Variants in SLC16A9 observed in about 807,000 individuals in gnomAD.
SLC16A9 encodes the protein solute carrier family 16 member 9.
Under a neutral mutation model 44.3 loss-of-function variants are expected in SLC16A9, and 26 were observed. The ratio of observed to expected loss-of-function variants is 0.59; its 90% CI spans 0.43 to 0.81. SLC16A9 has a LOEUF of 0.81. SLC16A9 is among the 40% of genes least tolerant of loss of function. The pLI, the probability that SLC16A9 is intolerant of heterozygous loss-of-function variation, is 0.00. For synonymous variants in SLC16A9, 230 were observed against 225.1 expected (o/e 1.02, Z -0.19); for missense variants, 559 against 595.8 (o/e 0.94, Z 0.64).
intron 1 of SLC16A9, among the ~76,000 whole-genome samples, chr10:59,696,837 C>G (rs1193842425): frequency 6.6e-6 from 1 of 151,562 alleles, no homozygotes; most frequent in South Asian, 2.1e-4. Flanking sequence ...GCAGCCACAC[C>G]GTCTGAGAAG....
At chr10:59,694,833 C>CACACAT (rs778737142) in intron 1 of SLC16A9, among the ~76,000 whole-genome samples, 2,549 of 98,458 alleles carry the variant, frequency 0.026, 90 homozygotes, top group Middle Eastern at 0.043. Flanking sequence ...CACACACACA[C>CACACAT]ATATATATAC....
In SLC16A9 at chr10:59,651,868, T is replaced by C. The variant is rs990188293; in HGVS notation, c.*904A>G. 6.6e-6 allele frequency: 1 copy of C among 152,158 alleles called. No individual in the cohort carries two copies. Among genetic ancestry groups the C allele is most frequent in the Non-Finnish European group, 1.5e-5 (1 of 68,030 alleles). The allele number at this position is 152,158 out of a possible 1,614,324, so 9.4% of individuals were successfully genotyped here. The stretch of plus-strand genomic sequence containing the variant: ...GCAAATAAATGCTTCACTGGGAGGA[T>C]ATGCAAGAACTTGCAGCCCATCCCC... On this transcript the variant is annotated 3_prime_UTR_variant, in exon 6 of 6. Coordinates refer to ENST00000395348, the MANE Select transcript of SLC16A9 (RefSeq NM_194298.3).
intron 3 of SLC16A9, 45 bp downstream of exon 3, chr10:59,672,725 G>A (rs1233166576): frequency 6.4e-7 from 1 of 1,559,480 alleles, no homozygotes; most frequent in Middle Eastern, 1.7e-4. Context: ...GAAATGATGT[G>A]TATCTCTTGA....
intron 1 of SLC16A9, among the ~76,000 whole-genome samples, chr10:59,694,385 T>C (rs1160221735): frequency 1.3e-5 from 2 of 152,172 alleles, no homozygotes; most frequent in African/African-American, 4.8e-5. Context: ...AAAAAGAGGA[T>C]ATGAAAATCA....
chr10:59,701,517 A>C (rs1588999274), intron 1 of SLC16A9, among the ~76,000 whole-genome samples: 1 of 152,354 alleles, frequency 6.6e-6, no homozygotes, highest in African/African-American at 2.4e-5. Flanking sequence ...AATGACAATC[A>C]TTCTTTCCCT....
chr10:59,704,043 A>C (rs1840587020), intron 1 of SLC16A9, among the ~76,000 whole-genome samples: 1 of 152,186 alleles, frequency 6.6e-6, no homozygotes, highest in Non-Finnish European at 1.5e-5. Flanking sequence ...TTTTAACACT[A>C]GAATAGATTT....
rs1285945632 is a variant in SLC16A9 at position 59,678,047 on chromosome 10, C to T, written c.197-5134G>A. ...GCTATCCCTCCCCCCTCCCCCCACC[C>T]CACAACAGTCCCCAGAGTGTGATGT... On this transcript the variant is annotated intron_variant, in intron 2 of 5. Coordinates refer to ENST00000395348, the MANE Select transcript of SLC16A9 (RefSeq NM_194298.3). Among the ~76,000 whole-genome samples the T allele has an allele frequency of 4.7e-5, 6 of 127,778 alleles. No individual in the cohort carries two copies. The East Asian group carries it at 1.7e-3, about 35-fold the overall frequency. 83.8% of individuals were successfully genotyped at this position (127,778 alleles called of 152,430 possible).
chr10:59,677,728 A>G (rs1019254853), intron 2 of SLC16A9, among the ~76,000 whole-genome samples: 15 of 152,176 alleles, frequency 9.9e-5, no homozygotes, highest in Non-Finnish European at 1.9e-4. Context: ...AAAGGGATGA[A>G]CATCTATTCT....
rs201592301 is a variant in SLC16A9, at chr10:59,672,902, T to C, written c.208A>G (p.Ser70Gly). ...GVGLLASPVC[S>G]LCVSSFGARP... ...GCTCCAAAAGATGAGACACAGAGAC[T>C]GCAGACAGGACCTAAAAAAAGAAAT... Residue 70 changes from serine to glycine, a missense_variant, in exon 3 of 6, where the codon AGT becomes GGT. By Grantham distance (56) the Ser-to-Gly change is moderately conservative (BLOSUM62 0). Transcript: ENST00000395348. 22 of 1,608,706 alleles carry C rather than the reference T, an allele frequency of 1.4e-5. No homozygotes were observed. The highest frequency in any genetic ancestry group is 8.9e-5 in the East Asian group (4 of 44,782).
intron 1 of SLC16A9, among the ~76,000 whole-genome samples, chr10:59,707,585 CAAAAA>C (rs35376586): frequency 4.7e-5 from 6 of 127,514 alleles, no homozygotes; most frequent in Non-Finnish European, 8.4e-5. Flanking sequence ...CTCACCACAC[CAAAAA>C]AAAAAAAAAA....
chr10:59,681,783 G>GATGTATATGTATATGTAT (rs6143937), intron 2 of SLC16A9, among the ~76,000 whole-genome samples: 395 of 5,088 alleles, frequency 0.078, 160 homozygotes, highest in African/African-American at 0.095. Context: ...ATATGTATAT[G>GATGTATATGTATATGTAT]ATGTATATGT....
At position 59,692,308 on chromosome 10, in the gene SLC16A9, G is replaced by T. The variant is rs1588990279; in HGVS notation, c.-36-7981C>A. 2.6e-5 allele frequency among the ~76,000 whole-genome samples: 4 copies of T among 152,198 alleles called. 1 individual carries two copies. In the South Asian group the frequency reaches 8.3e-4, roughly 32 times the overall value. ...ACAGTTACATTTATGACACTTTAAG[G>T]CTATAAACCATGGGCGAGGAGGTGG... is the stretch of plus-strand genomic sequence containing the variant. On this transcript the variant is annotated intron_variant, in intron 1 of 5. Coordinates refer to ENST00000395348, the MANE Select transcript of SLC16A9 (RefSeq NM_194298.3).
At chr10:59,674,538 G>T (rs1187086880) in intron 2 of SLC16A9, among the ~76,000 whole-genome samples, 4 of 152,176 alleles carry the variant, frequency 2.6e-5, no homozygotes, top group Admixed American at 1.3e-4. Context: ...CCATTTGAAA[G>T]ACCAAATTTA....
At chr10:59,655,981 C>A (rs896509414) in intron 4 of SLC16A9, among the ~76,000 whole-genome samples, 5 of 152,150 alleles carry the variant, frequency 3.3e-5, no homozygotes, top group African/African-American at 1.2e-4. Flanking sequence ...TCTTTGGGAC[C>A]TCAGTTGTCC....
chr10:59,703,945 A>G (rs1051388516), intron 1 of SLC16A9, among the ~76,000 whole-genome samples: 19 of 151,908 alleles, frequency 1.3e-4, no homozygotes, highest in Non-Finnish European at 1.9e-4. Flanking sequence ...GATGGTCTCA[A>G]TATCCTGACC....
intron 4 of SLC16A9, among the ~76,000 whole-genome samples, chr10:59,661,882 G>A (rs931917619): frequency 1.3e-5 from 2 of 151,984 alleles, no homozygotes; most frequent in African/African-American, 4.8e-5. Context: ...CAAGCAATGG[G>A]GAAAGGATTC....
At chr10:59,688,247 C>G (rs1176793344) in intron 1 of SLC16A9, among the ~76,000 whole-genome samples, 2 of 152,168 alleles carry the variant, frequency 1.3e-5, no homozygotes, top group African/African-American at 4.8e-5. Context: ...CACACACAGC[C>G]TAATTAGATG....
At chr10:59,707,423 G>GTTA (rs1840669189) in intron 1 of SLC16A9, among the ~76,000 whole-genome samples, 1 of 151,814 alleles carries the variant, frequency 6.6e-6, no homozygotes, top group Admixed American at 6.6e-5. Context: ...GTTACCAGTA[G>GTTA]GTAGGGTTGG....
At chr10:59,672,690 A>T in intron 3 of SLC16A9, 80 bp downstream of exon 3, 1 of 1,362,998 alleles carries the variant, frequency 7.3e-7, no homozygotes, top group South Asian at 1.5e-5. Context: ...CTTTACATTA[A>T]CTGGATCATA....
Sources: gnomAD v4.1 joint callset for allele counts (sites outside exome capture counted in the v4.1 genomes callset) on GRCh38, gnomAD v4.1.1 for gene constraint, MANE v1.5 for transcripts, NCBI Gene and HGNC (gene_info 2026-07-23, HGNC 2026-07-21) for gene names.